Variants in THBS2 observed in about 807,000 individuals in gnomAD.
The protein encoded by THBS2 is thrombospondin 2, also known as thrombospondin-2.
THBS2 carries 47 observed loss-of-function variants against 135.2 expected under a neutral mutation model. The ratio of observed to expected loss-of-function variants is 0.35; its 90% CI spans 0.28 to 0.44. The LOEUF (loss-of-function observed/expected upper bound fraction) is 0.44. Among genes scored for constraint, THBS2 ranks in the 20% least tolerant of loss-of-function variants. THBS2 has a pLI of 1.00. For synonymous variants in THBS2, 639 were observed against 633.8 expected (o/e 1.01, Z -0.12); for missense variants, 1,288 against 1,603.1 (o/e 0.80, Z 3.36).
Position 169,237,804 on chromosome 6 carries a change from G to T in THBS2, c.1130-9C>A. 6.2e-7 allele frequency: 1 copy of T among 1,606,900 alleles called. No individual in the cohort carries two copies. ...CTCCTCACCGTCCACCGCTGCCAGA[G>T]GAAGCAAACACGGTGGCATCAGGCC... On this transcript the variant is annotated splice_polypyrimidine_tract_variant and intron_variant, in intron 7 of 21. Coordinates refer to ENST00000617924, the MANE Select transcript of THBS2 (RefSeq NM_003247.5).
chr6:169,226,088 G>A, intron 16 of THBS2, 92 bp downstream of exon 16: 2 of 1,388,674 alleles, frequency 1.4e-6, no homozygotes, highest in Non-Finnish European at 2.0e-6. Flanking sequence ...TGTGCACCAG[G>A]GGCAGTTGTC....
In THBS2 at chr6:169,252,603, C is replaced by T. The variant is rs1780792533; in HGVS notation, c.-23+1121G>A. Among the ~76,000 whole-genome samples, 1 of 152,206 alleles carries T rather than the reference C, an allele frequency of 6.6e-6. No homozygotes were observed. Among genetic ancestry groups the T allele is most frequent in the Non-Finnish European group, 1.5e-5 (1 of 68,036 alleles). On this transcript the variant is annotated intron_variant, in intron 1 of 21. Coordinates refer to ENST00000617924, the MANE Select transcript of THBS2 (RefSeq NM_003247.5). The surrounding 1 kb of genome is among the most constrained non-coding windows in gnomAD (Gnocchi z 4.3). ...AAGAGCAGGAGGCTAACAAAGCATC[C>T]CCTGCTGCGGATTGTCAAAGGACAG...
intron 14 of THBS2, 73 bp from the exon 15 acceptor site, chr6:169,228,354 G>A: frequency 6.5e-7 from 1 of 1,539,284 alleles, no homozygotes; most frequent in Non-Finnish European, 8.8e-7. Flanking sequence ...GCACTTATAA[G>A]TTATGTACTC....
chr6:169,224,595 G>A (rs1283585435), intron 17 of THBS2, among the ~76,000 whole-genome samples: 1 of 152,202 alleles, frequency 6.6e-6, no homozygotes, highest in Non-Finnish European at 1.5e-5. Context: ...AAGCCCCAGA[G>A]CACAGCTGTG....
intron 13 of THBS2, 72 bp from the exon 14 acceptor site, chr6:169,229,751 T>G: frequency 7.8e-7 from 1 of 1,274,560 alleles, no homozygotes; most frequent in Non-Finnish European, 1.1e-6. Flanking sequence ...GCAGGTGAAA[T>G]GAAACCAGCA....
chr6:169,226,486 T>C (rs78602344), intron 15 of THBS2, among the ~76,000 whole-genome samples, 188 bp from the exon 16 acceptor site: 9,937 of 152,282 alleles, frequency 0.065, 407 homozygotes, highest in East Asian at 0.16. Context: ...ACATATGACA[T>C]ATTTCATTAC....
At chr6:169,250,620 G>T in intron 2 of THBS2, 113 bp downstream of exon 2, 1 of 804,456 alleles carries the variant, frequency 1.2e-6, no homozygotes, top group Non-Finnish European at 1.9e-6. Context: ...GGAGCTAGAA[G>T]GTCCTCACGG....
intron 2 of THBS2, among the ~76,000 whole-genome samples, chr6:169,249,250 G>A (rs1780676411): frequency 6.6e-6 from 1 of 152,210 alleles, no homozygotes; most frequent in Admixed American, 6.5e-5. Flanking sequence ...GCGTGTGCCA[G>A]AAGGTAAATC....
At position 169,240,891 on chromosome 6, in the gene THBS2, C is replaced by T. The variant is rs1402419597; in HGVS notation, c.892-299G>A. On this transcript the variant is annotated intron_variant, in intron 5 of 21. Transcript: ENST00000617924. ...GTGCAGAGCAACGCTGGGGCTCCTT[C>T]GACTGGGGACGCCAGGTGGGACTGG... Among the ~76,000 whole-genome samples, 8 of 152,126 alleles carry T rather than the reference C, an allele frequency of 5.3e-5. No homozygotes were observed. The East Asian group carries it at 9.7e-4, about 18-fold the overall frequency.
intron 2 of THBS2, among the ~76,000 whole-genome samples, chr6:169,250,163 A>T (rs977761592): frequency 1.3e-5 from 2 of 152,352 alleles, no homozygotes; most frequent in African/African-American, 4.8e-5. Flanking sequence ...CACTTTCCAT[A>T]GAGTTACTTG....
intron 13 of THBS2, among the ~76,000 whole-genome samples, chr6:169,231,540 C>G (rs1475235771): frequency 6.6e-6 from 1 of 152,192 alleles, no homozygotes; most frequent in Non-Finnish European, 1.5e-5. Context: ...CTTCTTCCAG[C>G]TGAGCAGCTC....
rs115876669 is a variant in THBS2, at chr6:169,220,896, A to G, written c.3371+534T>C. 9.1e-3 allele frequency among the ~76,000 whole-genome samples: 1,387 copies of G among 152,356 alleles called. 21 individuals carry two copies. Among genetic ancestry groups the G allele is most frequent in the African/African-American group, 0.032 (1,312 of 41,574 alleles). On this transcript the variant is annotated intron_variant, in intron 20 of 21. Coordinates refer to ENST00000617924, the MANE Select transcript of THBS2 (RefSeq NM_003247.5). ...TGCCAGGGACTCACACACTCCTGGC[A>G]TCTGTGCAGAGTCCAGCCTGATCTT...
At position 169,222,586 on chromosome 6, in the gene THBS2, A is replaced by G; in HGVS notation, c.3002-118T>C. 11 of 1,131,712 alleles carry G rather than the reference A, an allele frequency of 9.7e-6. No homozygotes were observed. The South Asian group carries it at 1.6e-4, about 16-fold the overall frequency. The allele number at this position is 1,131,712 out of a possible 1,614,324, so 70.1% of individuals were successfully genotyped here. A position where few individuals can be genotyped will look rare whatever the true frequency, so the allele number is the denominator to read the frequency against. ...GAGGTGGGCAGATCACCTGAGGTCA[A>G]GAGTTCGAGACTGGTCTGACCAATA... On this transcript the variant is annotated intron_variant, in intron 18 of 21. Coordinates refer to ENST00000617924, the MANE Select transcript of THBS2 (RefSeq NM_003247.5).
At chr6:169,253,638 TCTC>T (rs2115043422) in intron 1 of THBS2, 83 bp downstream of exon 1, 1 of 152,360 alleles carries the variant, frequency 6.6e-6, no homozygotes, top group Non-Finnish European at 1.5e-5. Flanking sequence ...TCCTTTTTCT[TCTC>T]CGCTTCTTAG....
intron 10 of THBS2, 111 bp from the exon 11 acceptor site, chr6:169,233,128 T>G: frequency 7.2e-7 from 1 of 1,381,858 alleles, no homozygotes; most frequent in Non-Finnish European, 9.5e-7. Context: ...TCGAATTGTG[T>G]AGTCAGGAAC....
In THBS2 at chr6:169,222,191, C is replaced by T; in HGVS notation, c.3273+6G>A. ...GAGATGTGTGGGCCTGGCCAGCCAA[C>T]CTCACCTGCCCCGGCGTGTTCCCCG... On this transcript the variant is annotated splice_donor_region_variant and intron_variant, in intron 19 of 21. Coordinates refer to ENST00000617924, the MANE Select transcript of THBS2 (RefSeq NM_003247.5). The T allele has an allele frequency of 1.9e-6, 3 of 1,593,316 alleles. No homozygotes were observed. Among genetic ancestry groups the T allele is most frequent in the Non-Finnish European group, 2.6e-6 (3 of 1,170,086 alleles).
intron 12 of THBS2, among the ~76,000 whole-genome samples, 170 bp from the exon 13 acceptor site, chr6:169,232,368 A>C (rs114530230): frequency 0.023 from 3,553 of 152,248 alleles, 136 homozygotes; most frequent in African/African-American, 0.081. Context: ...TTCGTTCCTG[A>C]GGCTCCGTTT....
At chr6:169,244,423 T>C (rs1243311949) in intron 4 of THBS2, among the ~76,000 whole-genome samples, 1 of 150,918 alleles carries the variant, frequency 6.6e-6, no homozygotes, top group Non-Finnish European at 1.5e-5. Flanking sequence ...GACAACTGAC[T>C]CAACATGCCA....
At chr6:169,242,058 G>T (rs112268743) in intron 4 of THBS2, 100 bp from the exon 5 acceptor site, 19,097 of 1,364,254 alleles carry the variant, frequency 0.014, 185 homozygotes, top group Non-Finnish European at 0.017. Context: ...CTCCCGGAGC[G>T]GCCTGGTGCT....
Sources: allele counts gnomAD v4.1 joint callset (sites outside exome capture counted in the v4.1 genomes callset), GRCh38; gene constraint gnomAD v4.1.1; non-coding constraint Gnocchi (gnomAD v3.1); transcripts MANE v1.5; gene names NCBI Gene and HGNC (gene_info 2026-07-23, HGNC 2026-07-21).